CXXC5: variants seen among roughly 807,000 people sequenced by gnomAD.
CXXC5 encodes CXXC finger protein 5, also known as CXXC-type zinc finger protein 5.
In CXXC5, 2 loss-of-function variants were observed where a neutral mutation model predicts 17.6. The ratio of observed to expected loss-of-function variants is 0.11; its 90% CI spans 0.05 to 0.36. The LOEUF (loss-of-function observed/expected upper bound fraction) is 0.36. Among genes scored for constraint, CXXC5 ranks in the 10% least tolerant of loss-of-function variants. The pLI is 1.00. For synonymous variants in CXXC5, 171 were observed against 193.0 expected, an observed-to-expected ratio of 0.89 and a Z score of 0.94; for missense variants, 343 against 458.3, an observed-to-expected ratio of 0.75 and a Z score of 2.30.
At chr5:139,672,701 G>C (rs1255103378) in intron 1 of CXXC5, among the ~76,000 whole-genome samples, 3 of 152,096 alleles carry the variant, frequency 2.0e-5, no homozygotes, top group Non-Finnish European at 2.9e-5. Context: ...CCCTGGGATC[G>C]TGACTTCTGC....
intron 1 of CXXC5, among the ~76,000 whole-genome samples, chr5:139,662,523 T>C (rs575701308): frequency 6.6e-6 from 1 of 152,216 alleles, no homozygotes; most frequent in African/African-American, 2.4e-5. Flanking sequence ...TGCAATCTCC[T>C]AACACCCAGA....
rs1006612549 is a variant in CXXC5, at chr5:139,663,525, C to G, written c.-161+14680C>G. On this transcript the variant is annotated intron_variant, in intron 1 of 2. Coordinates refer to ENST00000302517, the MANE Select transcript of CXXC5 (RefSeq NM_016463.9). The surrounding 1 kb of genome is among the most constrained non-coding windows in gnomAD (Gnocchi z 4.2). ...GCAAGCCTGGCCAGTGGGGTGCTAC[C>G]CTCGTTGTAACCTTCAGGCTTCTAC... Among the ~76,000 whole-genome samples the G allele has an allele frequency of 3.3e-5, 5 of 152,086 alleles. No individual in the cohort carries two copies. Among genetic ancestry groups the G allele is most frequent in the Non-Finnish European group, 7.4e-5 (5 of 68,018 alleles).
chr5:139,648,201 C>T (rs1754962366), upstream of CXXC5: 1 of 138,480 alleles, frequency 7.2e-6, no homozygotes, highest in Non-Finnish European at 1.5e-5. Flanking sequence ...CCAAGTGGCC[C>T]GAGCTGCGCT....
At chr5:139,660,607 T>G (rs1755741385) in intron 1 of CXXC5, among the ~76,000 whole-genome samples, 1 of 152,066 alleles carries the variant, frequency 6.6e-6, no homozygotes, top group Non-Finnish European at 1.5e-5. Flanking sequence ...GCTTGGTTTT[T>G]CGTAGCTTGA....
At chr5:139,681,852 G>A (rs1757256402) in intron 2 of CXXC5, among the ~76,000 whole-genome samples, 1 of 152,186 alleles carries the variant, frequency 6.6e-6, no homozygotes. Flanking sequence ...CCCTGTTTAA[G>A]GGATTCTGTT....
chr5:139,681,277 G>A lies in CXXC5; in HGVS notation c.754G>A (p.Ala252Thr). Residue 252 changes from alanine (A) to threonine (T), a missense_variant, in exon 2 of 3, where the codon GCC (alanine) becomes ACC (threonine). Coordinates refer to ENST00000302517, the MANE Select transcript of CXXC5 (RefSeq NM_016463.9). ...EYPMQGELAS[A>T]ISSGKKKRKR... The stretch of plus-strand genomic sequence containing the variant: ...CCCCATGCAGGGAGAGCTGGCCTCT[G>A]CCATCAGCTCCGGCAAGAAGAAGCG... The A allele has an allele frequency of 6.2e-7, 1 of 1,612,704 alleles. No homozygotes were observed. Among genetic ancestry groups the A allele is most frequent in the Non-Finnish European group, 8.5e-7 (1 of 1,179,902 alleles).
At chr5:139,660,632 G>T (rs1001621028) in intron 1 of CXXC5, among the ~76,000 whole-genome samples, 5 of 152,006 alleles carry the variant, frequency 3.3e-5, no homozygotes, top group Non-Finnish European at 7.4e-5. Context: ...CCAGAGAGGG[G>T]GATACGCTGC....
intron 1 of CXXC5, among the ~76,000 whole-genome samples, chr5:139,673,298 C>T (rs1377801175): frequency 1.3e-5 from 2 of 152,162 alleles, no homozygotes; most frequent in African/African-American, 2.4e-5. Context: ...AAAACTGTCT[C>T]AGAGGCCAGT....
chr5:139,682,660 G>C (rs1757308514), intron 2 of CXXC5, among the ~76,000 whole-genome samples: 1 of 152,226 alleles, frequency 6.6e-6, no homozygotes. Context: ...GGAGGCCTCA[G>C]AGTCCTCGGG....
intron 1 of CXXC5, among the ~76,000 whole-genome samples, chr5:139,653,627 A>T (rs1755326984): frequency 6.6e-6 from 1 of 152,084 alleles, no homozygotes; most frequent in South Asian, 2.1e-4. Flanking sequence ...GTCTGGTCCC[A>T]ACCTTTCCCT....
intron 1 of CXXC5, among the ~76,000 whole-genome samples, chr5:139,677,137 T>C (rs1358201108): frequency 6.6e-6 from 1 of 152,032 alleles, no homozygotes; most frequent in Non-Finnish European, 1.5e-5. Context: ...CGGAGCCCTT[T>C]GTTGTCCCTC....
chr5:139,676,013 C>G (rs1235728079), intron 1 of CXXC5, among the ~76,000 whole-genome samples: 1 of 131,080 alleles, frequency 7.6e-6, no homozygotes, highest in African/African-American at 3.0e-5. Flanking sequence ...AGGTATGAGT[C>G]TCCCTCCTTC....
Position 139,670,198 on chromosome 5 carries a change from G to A in CXXC5, c.-160-10166G>A, listed in dbSNP as rs186812838. Among the ~76,000 whole-genome samples the A allele has an allele frequency of 3.3e-5, 5 of 152,244 alleles. No homozygotes were observed. The highest frequency in any genetic ancestry group is 2.0e-4 in the Admixed American group (3 of 15,298). The stretch of plus-strand genomic sequence containing the variant: ...CCTCCTCCTCAGCCTCCCGCCTCTC[G>A]CCTGCCTCCCCCACGCCTCTGCAGG... On this transcript the variant is annotated intron_variant, in intron 1 of 2. Transcript: ENST00000302517. This position sits in a 1 kb window ranked among gnomAD's most constrained non-coding sequence, Gnocchi z 4.2.
chr5:139,671,975 C>T (rs1463800083), intron 1 of CXXC5, among the ~76,000 whole-genome samples: 3 of 152,192 alleles, frequency 2.0e-5, no homozygotes, highest in Admixed American at 2.0e-4. Flanking sequence ...CCTCAGTTGC[C>T]TCATCTGTAA....
In CXXC5 at chr5:139,658,715, C is replaced by T. The variant is rs1016537948; in HGVS notation, c.-161+9870C>T. Among the ~76,000 whole-genome samples the T allele has an allele frequency of 5.9e-5, 9 of 152,260 alleles. No homozygotes were observed. Among genetic ancestry groups the T allele is most frequent in the Admixed American group, 2.6e-4 (4 of 15,292 alleles). Reference sequence around the variant, plus strand: ...GGGCCGGGCGGCTTCCCAGCTCCCCCTCTGACTCATGGCCGCCTGCAGCTC... The same window carrying T: ...GGGCCGGGCGGCTTCCCAGCTCCCCTTCTGACTCATGGCCGCCTGCAGCTC... On this transcript the variant is annotated intron_variant, in intron 1 of 2. Coordinates refer to ENST00000302517, the MANE Select transcript of CXXC5 (RefSeq NM_016463.9). The surrounding 1 kb of genome is among the most constrained non-coding windows in gnomAD (Gnocchi z 4.1).
At position 139,653,466 on chromosome 5, in the gene CXXC5, C is replaced by T. The variant is rs148658044; in HGVS notation, c.-161+4621C>T. On this transcript the variant is annotated intron_variant, in intron 1 of 2. Transcript: ENST00000302517. ...GAGCACATGCTTGCACATGTATGAA[C>T]GGAGCCTGTGAGAGCATGTGTGTCT... 3.2e-4 allele frequency among the ~76,000 whole-genome samples: 48 copies of T among 152,208 alleles called. No homozygotes were observed. The East Asian group carries it at 6.8e-3, about 21-fold the overall frequency.
rs553984283 is a variant in CXXC5, at chr5:139,677,411, A to G, written c.-160-2953A>G. Among the ~76,000 whole-genome samples, 3 of 152,150 alleles carry G rather than the reference A, an allele frequency of 2.0e-5. No individual in the cohort carries two copies. The South Asian group carries it at 6.2e-4, about 32-fold the overall frequency. On this transcript the variant is annotated intron_variant, in intron 1 of 2. Transcript: ENST00000302517. ...GTCCTCCTCTTCCATGAGTAGGGCAAATGGGGCTTTTGGTCAGGGGTCCAC... is the reference window on the plus strand; with the variant it reads ...GTCCTCCTCTTCCATGAGTAGGGCAGATGGGGCTTTTGGTCAGGGGTCCAC...
rs1388390522 is a variant in CXXC5, at chr5:139,661,311, CAGTT to C, written c.-161+12469_-161+12472del. 1.3e-5 allele frequency among the ~76,000 whole-genome samples: 2 copies of C among 152,186 alleles called. No homozygotes were observed. Among genetic ancestry groups the C allele is most frequent in the Non-Finnish European group, 2.9e-5 (2 of 68,026 alleles). ...AGCCCCGAGAGGCCCTGCGGCCTGG[CAGTT>C]AGAGTGCACACTCACGCACCCCACA... is the stretch of plus-strand genomic sequence containing the variant. On this transcript the variant is annotated intron_variant, in intron 1 of 2. Transcript: ENST00000302517. This position sits in a 1 kb window ranked among gnomAD's most constrained non-coding sequence, Gnocchi z 4.7.
chr5:139,663,842 A>AG lies in CXXC5; in HGVS notation c.-161+14999dup, dbSNP rs1472777713. 3.9e-5 allele frequency among the ~76,000 whole-genome samples: 6 copies of AG among 152,120 alleles called. No homozygotes were observed. Among genetic ancestry groups the AG allele is most frequent in the Non-Finnish European group, 5.9e-5 (4 of 68,000 alleles). ...CATAGGTCCTCTCCAGGACCTGACG[A>AG]GGTGGGGGCTGTCAGCGGCTGCATT... is the stretch of plus-strand genomic sequence containing the variant. On this transcript the variant is annotated intron_variant, in intron 1 of 2. Transcript: ENST00000302517. The surrounding 1 kb of genome is among the most constrained non-coding windows in gnomAD (Gnocchi z 4.2).
Sources: gnomAD v4.1 joint callset for allele counts (sites outside exome capture counted in the v4.1 genomes callset) on GRCh38, gnomAD v4.1.1 for gene constraint, Gnocchi (gnomAD v3.1) non-coding constraint, MANE v1.5 for transcripts, NCBI Gene and HGNC (gene_info 2026-07-23, HGNC 2026-07-21) for gene names.